ROBO2: variants seen among roughly 807,000 people sequenced by gnomAD.
The protein encoded by ROBO2 is roundabout guidance receptor 2, also known as roundabout homolog 2.
Under a neutral mutation model 160.8 loss-of-function variants are expected in ROBO2, and 53 were observed. That is an observed-to-expected ratio of 0.33 (90% confidence interval 0.26 to 0.41). The LOEUF (loss-of-function observed/expected upper bound fraction) is 0.41. ROBO2 is among the 10% of genes least tolerant of loss of function. The probability of loss-of-function intolerance (pLI) is 1.00; values close to 1 mark genes in which losing one functional copy is unlikely to be tolerated. For synonymous variants in ROBO2, 664 were observed against 611.7 expected (o/e 1.09, Z -1.26); for missense variants, 1,577 against 1,722.4 (o/e 0.92, Z 1.49).
chr3:75,943,071 GT>G (rs1017813376), intron 2 of ROBO2, among the ~76,000 whole-genome samples: 1 of 152,052 alleles, frequency 6.6e-6, no homozygotes, highest in Non-Finnish European at 1.5e-5. Flanking sequence ...GATTTTAAAT[GT>G]TTTTATGTTT....
intron 2 of ROBO2, among the ~76,000 whole-genome samples, chr3:76,551,375 C>T (rs1311228418): frequency 1.3e-5 from 2 of 152,166 alleles, no homozygotes; most frequent in Non-Finnish European, 2.9e-5. Context: ...TTCAGGTCTC[C>T]TGAGAGCTGT....
At chr3:76,762,179 A>T (rs953409459) in intron 2 of ROBO2, among the ~76,000 whole-genome samples, 7 of 151,708 alleles carry the variant, frequency 4.6e-5, no homozygotes, top group Non-Finnish European at 7.4e-5. Context: ...CTAAAGATGG[A>T]ACAGAAATTC....
chr3:77,036,864 T>A (rs1452226436), upstream of ROBO2, among the ~76,000 whole-genome samples: 1 of 137,828 alleles, frequency 7.3e-6, no homozygotes, highest in Admixed American at 7.2e-5. Context: ...AAAACCTTAA[T>A]TTTTTTTTTT....
chr3:76,245,581 T>C (rs1004481591), intron 2 of ROBO2, among the ~76,000 whole-genome samples: 7 of 152,188 alleles, frequency 4.6e-5, no homozygotes, highest in Non-Finnish European at 7.4e-5. Context: ...TATTTGATGA[T>C]TTTTTATTTC....
chr3:76,704,428 G>A (rs1015286938), intron 2 of ROBO2, among the ~76,000 whole-genome samples: 4 of 152,056 alleles, frequency 2.6e-5, no homozygotes, highest in East Asian at 1.9e-4. Flanking sequence ...GTGGGTTATC[G>A]CTGGAGGACA....
At chr3:76,604,716 T>C (rs191904392) in intron 2 of ROBO2, among the ~76,000 whole-genome samples, 3 of 152,270 alleles carry the variant, frequency 2.0e-5, no homozygotes, top group Admixed American at 6.5e-5. Flanking sequence ...TGCTTTTGCA[T>C]GGGAGTATGT....
chr3:76,571,142 T>G (rs191143205), intron 2 of ROBO2, among the ~76,000 whole-genome samples: 193 of 152,242 alleles, frequency 1.3e-3, no homozygotes, highest in Non-Finnish European at 1.1e-3. Flanking sequence ...AAATAAATAT[T>G]AAGTATTATG....
intron 24 of ROBO2, among the ~76,000 whole-genome samples, chr3:77,639,295 C>CA (rs1197725449): frequency 2.0e-5 from 3 of 152,036 alleles, no homozygotes; most frequent in African/African-American, 7.2e-5. Context: ...GCCAAACAGA[C>CA]AAAATCCCCT....
At chr3:76,872,250 A>G (rs973226018) in intron 2 of ROBO2, among the ~76,000 whole-genome samples, 9 of 152,322 alleles carry the variant, frequency 5.9e-5, no homozygotes, top group African/African-American at 1.9e-4. Context: ...CTTGGTAGAA[A>G]CATTAAAAAT....
At chr3:77,649,805 AGTTT>A (rs958536018) in exon 26 of ROBO2, 53 of 152,200 alleles carry the variant, frequency 3.5e-4, no homozygotes, top group African/African-American at 1.1e-3. Flanking sequence ...TTTTAACTGT[AGTTT>A]GTTTAAGTCA....
intron 2 of ROBO2, among the ~76,000 whole-genome samples, chr3:76,527,528 G>C (rs2082011137): frequency 6.6e-6 from 1 of 151,918 alleles, no homozygotes; most frequent in Non-Finnish European, 1.5e-5. Flanking sequence ...CCCAAACCAG[G>C]CCTTCTTCAT....
At chr3:76,361,973 A>G (rs929479604) in intron 2 of ROBO2, among the ~76,000 whole-genome samples, 3 of 152,162 alleles carry the variant, frequency 2.0e-5, no homozygotes, top group Admixed American at 2.0e-4. Context: ...CTTGCTAAAA[A>G]TAAACATTAT....
intron 2 of ROBO2, among the ~76,000 whole-genome samples, chr3:76,080,219 G>A (rs2108020791): frequency 6.6e-6 from 1 of 152,256 alleles, no homozygotes; most frequent in South Asian, 2.1e-4. Context: ...CTGACTATCT[G>A]ACCCAGGCTC....
chr3:77,046,431 A>C (rs1224528303), intron 1 of ROBO2, among the ~76,000 whole-genome samples: 1 of 152,158 alleles, frequency 6.6e-6, no homozygotes, highest in Non-Finnish European at 1.5e-5. Flanking sequence ...ACCTCAGTTG[A>C]ACTTGTCACT....
At chr3:76,170,688 G>A (rs1371148670) in intron 2 of ROBO2, among the ~76,000 whole-genome samples, 1 of 152,058 alleles carries the variant, frequency 6.6e-6, no homozygotes, top group Non-Finnish European at 1.5e-5. Context: ...TGGTTCTTAG[G>A]CCTATAGAAT....
chr3:77,589,677 G>A (rs943762883), intron 17 of ROBO2, among the ~76,000 whole-genome samples: 2 of 152,094 alleles, frequency 1.3e-5, no homozygotes, highest in African/African-American at 4.8e-5. Flanking sequence ...ATGGTAGAGA[G>A]AGAAGAGAGA....
At chr3:76,386,357 CCCTTCCTT>C (rs74266990) in intron 2 of ROBO2, among the ~76,000 whole-genome samples, 17,843 of 125,800 alleles carry the variant, frequency 0.14, 1,275 homozygotes, top group African/African-American at 0.16. Flanking sequence ...CTCCCTCCCT[CCCTTCCTT>C]CCTCCCCTCC....
At chr3:76,693,165 CTATA>C (rs557515228) in intron 2 of ROBO2, among the ~76,000 whole-genome samples, 28 of 144,724 alleles carry the variant, frequency 1.9e-4, no homozygotes, top group African/African-American at 4.1e-4. Flanking sequence ...GTCTCTCTCT[CTATA>C]TATAGTGTAT....
chr3:76,429,190 A>C (rs922590397), intron 2 of ROBO2, among the ~76,000 whole-genome samples: 1 of 151,954 alleles, frequency 6.6e-6, no homozygotes, highest in Non-Finnish European at 1.5e-5. Flanking sequence ...ACACACACAC[A>C]CACCCACTCA....
Sources: gnomAD v4.1 joint callset for allele counts (sites outside exome capture counted in the v4.1 genomes callset) on GRCh38, gnomAD v4.1.1 for gene constraint, MANE v1.5 for transcripts, NCBI Gene and HGNC (gene_info 2026-07-23, HGNC 2026-07-21) for gene names.